DCC: variants seen among roughly 807,000 people sequenced by gnomAD.
DCC encodes the protein netrin receptor DCC.
In DCC, 58 loss-of-function variants were observed where a neutral mutation model predicts 172.5. That is an observed-to-expected ratio of 0.34 (90% CI 0.27 to 0.42). The LOEUF is 0.42. Among genes scored for constraint, DCC ranks in the 10% least tolerant of loss-of-function variants. The probability of loss-of-function intolerance (pLI) is 1.00; values close to 1 mark genes in which losing one functional copy is unlikely to be tolerated. For synonymous variants in DCC, 709 were observed against 644.5 expected (o/e 1.10, Z -1.52); for missense variants, 1,740 against 1,791.0 (o/e 0.97, Z 0.51).
intron 2 of DCC, among the ~76,000 whole-genome samples, chr18:52,774,332 C>T (rs180782825): frequency 2.2e-4 from 34 of 152,206 alleles, no homozygotes; most frequent in East Asian, 1.7e-3. Context: ...TTGATGTGGC[C>T]GGCTGAATGT....
chr18:52,527,490 AT>A (rs1468349190), intron 1 of DCC, among the ~76,000 whole-genome samples: 1 of 152,150 alleles, frequency 6.6e-6, no homozygotes, highest in Non-Finnish European at 1.5e-5. Flanking sequence ...TAAATGATGG[AT>A]TTTTTCCTCA....
chr18:53,519,587 C>A (rs1011633095), intron 27 of DCC, among the ~76,000 whole-genome samples: 3 of 151,560 alleles, frequency 2.0e-5, no homozygotes, highest in African/African-American at 7.3e-5. Context: ...GGGAGAGATC[C>A]CAGAGGATGC....
intron 19 of DCC, among the ~76,000 whole-genome samples, chr18:53,405,000 C>T (rs1206405437): frequency 6.6e-6 from 1 of 151,968 alleles, no homozygotes; most frequent in Non-Finnish European, 1.5e-5. Flanking sequence ...TATTCCTACT[C>T]AATTTAACAG....
At chr18:53,082,626 T>C (rs2144139994) in intron 7 of DCC, among the ~76,000 whole-genome samples, 1 of 152,258 alleles carries the variant, frequency 6.6e-6, no homozygotes, top group Non-Finnish European at 1.5e-5. Flanking sequence ...CATTATACAT[T>C]GTAAATTAGT....
chr18:53,096,710 G>A (rs2043092854), intron 7 of DCC, among the ~76,000 whole-genome samples: 1 of 152,076 alleles, frequency 6.6e-6, no homozygotes, highest in Non-Finnish European at 1.5e-5. Context: ...GATACCGCTA[G>A]GGAGAGAGAA....
At chr18:53,511,817 C>T (rs1199610767) in intron 27 of DCC, among the ~76,000 whole-genome samples, 1 of 151,940 alleles carries the variant, frequency 6.6e-6, no homozygotes, top group Non-Finnish European at 1.5e-5. Flanking sequence ...CCTACGCCCA[C>T]GGAGTCTCGC....
chr18:52,377,180 G>A (rs1985385445), intron 1 of DCC, among the ~76,000 whole-genome samples: 1 of 152,268 alleles, frequency 6.6e-6, no homozygotes, highest in East Asian at 1.9e-4. Context: ...TAAATGTGAA[G>A]TTAAATTAGC....
intron 7 of DCC, among the ~76,000 whole-genome samples, chr18:53,086,302 C>A: frequency 4.2e-5 from 1 of 24,070 alleles, no homozygotes; most frequent in Admixed American, 3.1e-4. Context: ...TTCTTCCTTT[C>A]TTCTTCTTCT....
intron 14 of DCC, among the ~76,000 whole-genome samples, chr18:53,337,680 G>A (rs77067224): frequency 2.0e-5 from 3 of 152,144 alleles, no homozygotes; most frequent in Admixed American, 6.5e-5. Flanking sequence ...AAATTCTGTC[G>A]ATGTGGCAAC....
chr18:53,066,306 T>A (rs536109757), intron 7 of DCC, 140 bp downstream of exon 7: 1 of 704,236 alleles, frequency 1.4e-6, no homozygotes, highest in East Asian at 3.1e-5. Context: ...TGTATACTTG[T>A]GTATTGATGA....
At position 52,897,673 on chromosome 18, in the gene DCC, G is replaced by A. The variant is rs74743405; in HGVS notation, c.413-8371G>A. On this transcript the variant is annotated intron_variant, in intron 2 of 28. Coordinates refer to ENST00000442544, the MANE Select transcript of DCC (RefSeq NM_005215.4). The stretch of plus-strand genomic sequence containing the variant: ...TCTTTCCCTTTGACATCCTTTAGAG[G>A]TTCATTCATTTGGTCATGTGATTGC... Among the ~76,000 whole-genome samples the A allele has an allele frequency of 5.5e-3, 828 of 151,850 alleles. 22 individuals are homozygous for A. Among genetic ancestry groups the A allele is most frequent in the East Asian group, 0.05 (258 of 5,160 alleles).
intron 15 of DCC, among the ~76,000 whole-genome samples, chr18:53,382,723 A>G (rs542060479): frequency 7.2e-5 from 11 of 152,286 alleles, no homozygotes; most frequent in African/African-American, 2.2e-4. Flanking sequence ...TTGACAACAT[A>G]CATTTTCAAA....
chr18:53,316,192 A>T (rs2057341873), intron 13 of DCC, among the ~76,000 whole-genome samples: 1 of 152,222 alleles, frequency 6.6e-6, no homozygotes. Context: ...TTTTCTCAAC[A>T]TCATTTATTA....
At chr18:53,112,553 G>C (rs1250782502) in intron 7 of DCC, among the ~76,000 whole-genome samples, 1 of 151,374 alleles carries the variant, frequency 6.6e-6, no homozygotes, top group African/African-American at 2.4e-5. Flanking sequence ...ATCAAATTAT[G>C]GGTGTATGAA....
intron 2 of DCC, among the ~76,000 whole-genome samples, chr18:52,793,122 AC>A (rs2037807981): frequency 6.6e-6 from 1 of 152,132 alleles, no homozygotes; most frequent in Admixed American, 6.6e-5. Context: ...TTTATGTAGG[AC>A]CCACAGATTG....
At chr18:53,210,512 C>T (rs1384710870) in intron 11 of DCC, among the ~76,000 whole-genome samples, 2 of 152,048 alleles carry the variant, frequency 1.3e-5, no homozygotes, top group Non-Finnish European at 1.5e-5. Context: ...TTATATTCAC[C>T]TCTGTTTTCT....
intron 7 of DCC, among the ~76,000 whole-genome samples, chr18:53,069,028 A>C (rs902659661): frequency 2.0e-5 from 3 of 152,026 alleles, no homozygotes; most frequent in Admixed American, 2.0e-4. Flanking sequence ...TGGCATGGGG[A>C]TGCCACTAGC....
chr18:52,834,738 G>A (rs1598850745), intron 2 of DCC, among the ~76,000 whole-genome samples: 1 of 152,030 alleles, frequency 6.6e-6, no homozygotes, highest in Non-Finnish European at 1.5e-5. Flanking sequence ...TGTTTTCTTA[G>A]TGACACCATT....
intron 1 of DCC, among the ~76,000 whole-genome samples, chr18:52,652,561 G>A (rs909853363): frequency 2.6e-5 from 4 of 152,108 alleles, no homozygotes; most frequent in Admixed American, 1.3e-4. Context: ...AGAGGTTTCC[G>A]TGGCTCTGCC....
Sources: allele counts gnomAD v4.1 joint callset (sites outside exome capture counted in the v4.1 genomes callset), GRCh38; gene constraint gnomAD v4.1.1; transcripts MANE v1.5; gene names NCBI Gene and HGNC (gene_info 2026-07-23, HGNC 2026-07-21).